Variants in PLEKHD1 observed in about 807,000 individuals in gnomAD.
PLEKHD1 encodes pleckstrin homology and coiled-coil domain containing D1.
Under a neutral mutation model 69.2 loss-of-function variants are expected in PLEKHD1, and 51 were observed. That is an observed-to-expected ratio of 0.74 (90% CI 0.59 to 0.93). The LOEUF is 0.93. Ranked by LOEUF, PLEKHD1 falls within the 40% of genes least tolerant of loss-of-function variation. The pLI is 0.00. For missense variants in PLEKHD1, 584 were observed against 641.0 expected, an observed-to-expected ratio of 0.91 and a Z score of 0.96; for synonymous variants, 236 against 244.7, an observed-to-expected ratio of 0.96 and a Z score of 0.33.
chr14:69,476,126 T>G, the PLEKHD1 span, among the ~76,000 whole-genome samples: 3 of 151,772 alleles, frequency 2.0e-5, no homozygotes, highest in Non-Finnish European at 4.4e-5. Context: ...CATGTGGTGG[T>G]GTGTGCCTGT....
chr14:69,489,423 G>A (rs1356957796), intron 1 of PLEKHD1, among the ~76,000 whole-genome samples: 1 of 151,974 alleles, frequency 6.6e-6, no homozygotes, highest in African/African-American at 2.4e-5. Context: ...GCCAGGCATG[G>A]TGGTGGGTGC....
chr14:69,496,989 G>A (rs1023041390), intron 1 of PLEKHD1, among the ~76,000 whole-genome samples: 14 of 152,028 alleles, frequency 9.2e-5, no homozygotes, highest in Admixed American at 1.3e-4. Context: ...ACATATGAAC[G>A]TTGAGGAGAC....
In PLEKHD1 at chr14:69,524,290, C is replaced by T. The variant is rs1001979870; in HGVS notation, c.712C>T (p.His238Tyr). ...AGAACAAGAGAAAAAGGAACTGAGGCACCTCACGGAGTCCTTGCAGCAGAC... is the reference window on the plus strand; with the variant it reads ...AGAACAAGAGAAAAAGGAACTGAGGTACCTCACGGAGTCCTTGCAGCAGAC... ...GVEQEKKELR[H>Y]LTESLQQTLE... The change falls in exon 8 of 13, where the codon CAC becomes TAC. Residue 238 changes from histidine to tyrosine, a missense_variant. Transcript: ENST00000322564. The T allele has an allele frequency of 3.2e-6, 5 of 1,551,476 alleles. No homozygotes were observed. The Admixed American group carries it at 5.9e-5, about 18-fold the overall frequency.
At position 69,527,946 on chromosome 14, in the gene PLEKHD1, T is replaced by C. The variant is rs755367214; in HGVS notation, c.1351+14T>C. On this transcript the variant is annotated intron_variant, in intron 12 of 12. Transcript: ENST00000322564. ...CCTGGAATGACAGTGAGTGTGGCTGTCTGCGTGCCCTGGTGGGATGGTGAC... is the reference window on the plus strand; with the variant it reads ...CCTGGAATGACAGTGAGTGTGGCTGCCTGCGTGCCCTGGTGGGATGGTGAC... 1.9e-6 allele frequency: 3 copies of C among 1,551,148 alleles called. No homozygotes were observed. The highest frequency in any genetic ancestry group is 8.7e-7 in the Non-Finnish European group (1 of 1,146,996).
intron 1 of PLEKHD1, among the ~76,000 whole-genome samples, chr14:69,499,484 G>C (rs1325690687): frequency 6.6e-6 from 1 of 152,164 alleles, no homozygotes; most frequent in African/African-American, 2.4e-5. Flanking sequence ...AGGTCCAAAT[G>C]CTCCACATGT....
At chr14:69,478,386 G>T in the PLEKHD1 span, among the ~76,000 whole-genome samples, 1 of 152,228 alleles carries the variant, frequency 6.6e-6, no homozygotes, top group Non-Finnish European at 1.5e-5. Flanking sequence ...TTGTCTTGGG[G>T]ATTAACATTT....
chr14:69,519,155 C>A (rs17107046), intron 6 of PLEKHD1, among the ~76,000 whole-genome samples: 8,946 of 151,978 alleles, frequency 0.059, 362 homozygotes, highest in African/African-American at 0.11. Context: ...CATTGAAGCC[C>A]CACAAAACTT....
At position 69,501,753 on chromosome 14, in the gene PLEKHD1, C is replaced by A. The variant is rs1291990870; in HGVS notation, c.430C>A (p.Leu144Met). ...CCCCAGGACCTGGAAGAATGCCCAG[C>A]TGGGAGAAGCCATGATCAAAAGCCT... ...SGKVTWKNAQ[L>M]GEAMIKSLEA... The change falls in exon 5 of 13, where the codon CTG becomes ATG. Residue 144 changes from leucine to methionine, a missense_variant. Coordinates refer to ENST00000322564, the MANE Select transcript of PLEKHD1 (RefSeq NM_001161498.2). The A allele has an allele frequency of 7.1e-6, 11 of 1,551,466 alleles. No individual in the cohort carries two copies. Among genetic ancestry groups the A allele is most frequent in the Non-Finnish European group, 9.6e-6 (11 of 1,146,840 alleles).
rs1883784666 is a variant in PLEKHD1, at chr14:69,531,263, C to T, written c.*2844C>T. 1 of 152,308 alleles carries T rather than the reference C, an allele frequency of 6.6e-6. No homozygotes were observed. Among genetic ancestry groups the T allele is most frequent in the Middle Eastern group, 3.2e-3 (1 of 316 alleles). The allele number at this position is 152,308 out of a possible 1,614,324, so 9.4% of individuals were successfully genotyped here. ...AACAAACATTCAAACTGTAGCAGTG[C>T]TTTTCCATGCACATTTACCAATCGA... On this transcript the variant is annotated 3_prime_UTR_variant, in exon 13 of 13. Coordinates refer to ENST00000322564, the MANE Select transcript of PLEKHD1 (RefSeq NM_001161498.2).
At chr14:69,520,621 C>T (rs943079159) in intron 6 of PLEKHD1, among the ~76,000 whole-genome samples, 1 of 151,994 alleles carries the variant, frequency 6.6e-6, no homozygotes, top group Non-Finnish European at 1.5e-5. Context: ...CCCAGCTACT[C>T]GGGAGGCTGG....
chr14:69,512,531 C>T (rs182461733), intron 6 of PLEKHD1, among the ~76,000 whole-genome samples: 22 of 151,868 alleles, frequency 1.4e-4, no homozygotes, highest in Admixed American at 1.3e-3. Context: ...TGATGCTATG[C>T]ATTTCTCTCA....
In PLEKHD1 at chr14:69,526,139, C is replaced by T. The variant is rs768108242; in HGVS notation, c.923+17C>T. The T allele has an allele frequency of 1.4e-5, 21 of 1,537,310 alleles. No individual in the cohort carries two copies. Among genetic ancestry groups the T allele is most frequent in the Non-Finnish European group, 1.1e-5 (12 of 1,142,128 alleles). The stretch of plus-strand genomic sequence containing the variant: ...AGAGAAGCGGTGAGGGAGCCCCGAC[C>T]CCTGAAGACACCATTGACTTTGGGG... On this transcript the variant is annotated intron_variant, in intron 9 of 12. Coordinates refer to ENST00000322564, the MANE Select transcript of PLEKHD1 (RefSeq NM_001161498.2).
At chr14:69,483,711 A>T (rs1882588995), upstream of PLEKHD1, among the ~76,000 whole-genome samples, 1 of 152,274 alleles carries the variant, frequency 6.6e-6, no homozygotes, top group South Asian at 2.1e-4. Flanking sequence ...TCCGACTTCC[A>T]GAGGCGTCCT....
the PLEKHD1 span, among the ~76,000 whole-genome samples, chr14:69,468,798 C>G: frequency 6.6e-6 from 1 of 152,120 alleles, no homozygotes; most frequent in South Asian, 2.1e-4. Flanking sequence ...CCAGGTTGGT[C>G]TCAAACTCCT....
intron 1 of PLEKHD1, among the ~76,000 whole-genome samples, chr14:69,489,580 AAGG>A (rs1361958098): frequency 8.3e-4 from 124 of 148,724 alleles, no homozygotes; most frequent in African/African-American, 2.2e-3. Context: ...AAAAAAAAAA[AAGG>A]AAAAAAAAAG....
At chr14:69,489,884 TGAGA>T (rs966591984) in intron 1 of PLEKHD1, among the ~76,000 whole-genome samples, 4 of 150,004 alleles carry the variant, frequency 2.7e-5, no homozygotes, top group African/African-American at 4.9e-5. Context: ...TTTGTTTGTT[TGAGA>T]GAGAGTCTCC....
chr14:69,512,018 G>A (rs553130924), intron 6 of PLEKHD1, among the ~76,000 whole-genome samples: 9 of 152,312 alleles, frequency 5.9e-5, no homozygotes, highest in African/African-American at 2.2e-4. Context: ...GAGCCCCTCT[G>A]GGCCTGGTGC....
rs758897675 is a variant in PLEKHD1 at position 69,528,737 on chromosome 14, G to C, written c.*318G>C. The C allele has an allele frequency of 5.6e-6, 2 of 357,182 alleles. No homozygotes were observed. The highest frequency in any genetic ancestry group is 1.0e-5 in the Non-Finnish European group (2 of 192,080). The allele number at this position is 357,182 out of a possible 1,614,324, so 22.1% of individuals were successfully genotyped here. ...TTGTGTCGGTTAGGGAGTGGGGTGG[G>C]GAGGTGCTGTCTACCACTGTGCCAT... On this transcript the variant is annotated 3_prime_UTR_variant, in exon 13 of 13. Coordinates refer to ENST00000322564, the MANE Select transcript of PLEKHD1 (RefSeq NM_001161498.2).
chr14:69,477,587 A>G, the PLEKHD1 span, among the ~76,000 whole-genome samples: 2 of 152,222 alleles, frequency 1.3e-5, no homozygotes, highest in South Asian at 2.1e-4. Flanking sequence ...CCTAGATACT[A>G]TGGGGGTACA....
Sources: allele counts gnomAD v4.1 joint callset (sites outside exome capture counted in the v4.1 genomes callset), GRCh38; gene constraint gnomAD v4.1.1; transcripts MANE v1.5; gene names NCBI Gene and HGNC (gene_info 2026-07-23, HGNC 2026-07-21).